BRDT: variants seen among roughly 807,000 people sequenced by gnomAD.
BRDT encodes bromodomain testis-specific protein.
BRDT carries 77 observed loss-of-function variants against 113.9 expected under a neutral mutation model. The ratio of observed to expected loss-of-function variants is 0.68; its 90% confidence interval spans 0.56 to 0.82. The LOEUF is 0.82. Ranked by LOEUF, BRDT falls within the 40% of genes least tolerant of loss-of-function variation. BRDT has a pLI of 0.00. For missense variants in BRDT, 1,027 were observed against 1,105.4 expected (o/e 0.93, Z 1.01); for synonymous variants, 358 against 366.5 (o/e 0.98, Z 0.26).
chr1:92,004,037 C>T (rs1190310760), intron 16 of BRDT, among the ~76,000 whole-genome samples: 1 of 151,972 alleles, frequency 6.6e-6, no homozygotes, highest in Admixed American at 6.6e-5. Flanking sequence ...TCTTACTTTG[C>T]CTCTTATTAA....
intron 16 of BRDT, 85 bp from the exon 17 acceptor site, chr1:92,004,329 T>C (rs1256861014): frequency 2.3e-6 from 2 of 866,934 alleles, no homozygotes; most frequent in Non-Finnish European, 3.6e-6. Context: ...ATTAGATCTA[T>C]TGCTGTATCA....
chr1:92,003,694 C>A (rs1313948204), intron 16 of BRDT, among the ~76,000 whole-genome samples: 1 of 152,072 alleles, frequency 6.6e-6, no homozygotes, highest in Non-Finnish European at 1.5e-5. Flanking sequence ...AGGAATTTAG[C>A]ATTTGAAGTT....
intron 15 of BRDT, among the ~76,000 whole-genome samples, chr1:91,995,431 G>C (rs1490371406): frequency 2.8e-5 from 4 of 143,224 alleles, no homozygotes; most frequent in Non-Finnish European, 6.2e-5. Context: ...GTGTGTGTGT[G>C]TGTGTGTGTG....
chr1:92,002,864 G>C (rs936441569), intron 16 of BRDT, among the ~76,000 whole-genome samples: 5 of 152,070 alleles, frequency 3.3e-5, no homozygotes, highest in African/African-American at 1.2e-4. Context: ...AAATATTCTA[G>C]ATGATTGGGA....
rs770988344 is a variant in BRDT, at chr1:91,964,584, G to A, written c.193-43G>A. 9 of 1,221,754 alleles carry A rather than the reference G, an allele frequency of 7.4e-6. No homozygotes were observed. In the South Asian group the frequency reaches 1.4e-4, roughly 18 times the overall value. 75.7% of individuals were successfully genotyped at this position (1,221,754 alleles called of 1,614,324 possible). ...TTCTTTGTGTATCAATAGTTGTAGTGTATTCATTCTTACTAACATTTAGAA... is the reference window on the plus strand; with the variant it reads ...TTCTTTGTGTATCAATAGTTGTAGTATATTCATTCTTACTAACATTTAGAA... On this transcript the variant is annotated intron_variant, in intron 2 of 18. Transcript: ENST00000399546.
At chr1:91,979,877 C>T in intron 8 of BRDT, 120 bp downstream of exon 8, 1 of 792,184 alleles carries the variant, frequency 1.3e-6, no homozygotes, top group Non-Finnish European at 1.9e-6. Context: ...GCTTTATTTA[C>T]TTATTGGCAA....
rs936799342 is a variant in BRDT at position 91,978,361 on chromosome 1, C to T, written c.1098+65C>T. On this transcript the variant is annotated intron_variant, in intron 7 of 18. Coordinates refer to ENST00000399546, the MANE Select transcript of BRDT (RefSeq NM_207189.4). ...AACATAGTTGAAACGTTTTTTAGAA[C>T]CATAATGTAAGAGATAAAGAATAAT... 1.9e-6 allele frequency: 3 copies of T among 1,566,772 alleles called. No individual in the cohort carries two copies. In the African/African-American group the frequency reaches 4.1e-5, roughly 21 times the overall value.
rs766138656 is a variant in BRDT, at chr1:91,964,743, A to T, written c.309A>T (p.Ser103=). 2 of 1,479,992 alleles carry T rather than the reference A, an allele frequency of 1.4e-6. No individual in the cohort carries two copies. Among genetic ancestry groups the T allele is most frequent in the South Asian group, 2.9e-5 (2 of 68,976 alleles). 91.7% of individuals were successfully genotyped at this position (1,479,992 alleles called of 1,614,324 possible). The change falls in exon 3 of 19, where the codon TCA becomes TCT. Residue 103 remains serine (S), a synonymous_variant. Transcript: ENST00000399546. ...ECIEDFNTMF[S]NCYLYNKPGD... Reference sequence around the variant, plus strand: ...TAGAAGACTTCAATACAATGTTCTCAAATTGTTATTTATATAACAAGGTAT... The same window carrying T: ...TAGAAGACTTCAATACAATGTTCTCTAATTGTTATTTATATAACAAGGTAT...
intron 4 of BRDT, 117 bp from the exon 5 acceptor site, chr1:91,976,143 GAAATAA>G: frequency 1.1e-6 from 1 of 924,926 alleles, no homozygotes; most frequent in Non-Finnish European, 1.5e-6. Context: ...ATTTCAAAAT[GAAATAA>G]GTATCCTATG....
chr1:92,005,663 G>C (rs1038068627), intron 18 of BRDT, among the ~76,000 whole-genome samples: 2 of 152,060 alleles, frequency 1.3e-5, no homozygotes, highest in African/African-American at 4.8e-5. Context: ...AAAAAAAGAT[G>C]GTCTGCCTAT....
At chr1:91,979,793 A>C in intron 8 of BRDT, 36 bp downstream of exon 8, 1 of 1,555,902 alleles carries the variant, frequency 6.4e-7, no homozygotes, top group Non-Finnish European at 8.7e-7. Context: ...TTGATAATCT[A>C]TGAGCTGCTA....
intron 12 of BRDT, among the ~76,000 whole-genome samples, chr1:91,985,582 A>G (rs1685136537): frequency 1.3e-5 from 2 of 151,284 alleles, no homozygotes; most frequent in South Asian, 4.2e-4. Context: ...CAATTTTTCA[A>G]AGCAAGTCAG....
intron 18 of BRDT, among the ~76,000 whole-genome samples, chr1:92,007,316 A>G (rs970540273): frequency 2.0e-5 from 3 of 151,968 alleles, no homozygotes; most frequent in Admixed American, 6.6e-5. Flanking sequence ...GGTTCGTTGT[A>G]CAGATTATTT....
chr1:91,984,598 A>T (rs1685028936), intron 12 of BRDT, among the ~76,000 whole-genome samples: 1 of 152,216 alleles, frequency 6.6e-6, no homozygotes, highest in South Asian at 2.1e-4. Context: ...GACTGAAAAT[A>T]TGAATATGAA....
At chr1:91,984,013 G>A (rs1045842090) in intron 12 of BRDT, among the ~76,000 whole-genome samples, 1 of 152,178 alleles carries the variant, frequency 6.6e-6, no homozygotes, top group African/African-American at 2.4e-5. Flanking sequence ...TATAAATAGT[G>A]TACAATTTGT....
chr1:91,996,224 T>A (rs1429818229), intron 15 of BRDT, among the ~76,000 whole-genome samples: 3 of 152,084 alleles, frequency 2.0e-5, no homozygotes, highest in Non-Finnish European at 4.4e-5. Flanking sequence ...ATAGGAAGCA[T>A]AATCAGATTT....
At chr1:92,000,057 G>C (rs530964330) in intron 15 of BRDT, among the ~76,000 whole-genome samples, 1 of 152,264 alleles carries the variant, frequency 6.6e-6, no homozygotes, top group Non-Finnish European at 1.5e-5. Context: ...TTATTTGTTT[G>C]TTTTGTTTGG....
Position 92,011,298 on chromosome 1 carries a change from A to G in BRDT, c.2776-2908A>G, listed in dbSNP as rs1328133185. Among the ~76,000 whole-genome samples the G allele has an allele frequency of 3.3e-5, 5 of 152,240 alleles. 1 individual carries two copies. The South Asian group carries it at 1.0e-3, about 31-fold the overall frequency. The stretch of plus-strand genomic sequence containing the variant: ...AAATATGCTTTATCCATTCAAACAT[A>G]CTAGCAAATAGCCACATAGGGCTGT... On this transcript the variant is annotated intron_variant, in intron 18 of 18. Transcript: ENST00000399546.
At chr1:91,983,872 G>A (rs1465561862) in intron 12 of BRDT, among the ~76,000 whole-genome samples, 2 of 152,020 alleles carry the variant, frequency 1.3e-5, no homozygotes, top group South Asian at 2.1e-4. Flanking sequence ...AGTAGAGATG[G>A]GGTTTCACCA....
Sources: gnomAD v4.1 joint callset for allele counts (sites outside exome capture counted in the v4.1 genomes callset) on GRCh38, gnomAD v4.1.1 for gene constraint, MANE v1.5 for transcripts, NCBI Gene and HGNC (gene_info 2026-07-23, HGNC 2026-07-21) for gene names.